Variants in NEK10 observed in about 807,000 individuals in gnomAD.
NEK10 encodes the protein serine/threonine-protein kinase Nek10.
Under a neutral mutation model 159.8 loss-of-function variants are expected in NEK10, and 122 were observed. The ratio of observed to expected loss-of-function variants is 0.76; its 90% CI spans 0.66 to 0.89. The LOEUF (loss-of-function observed/expected upper bound fraction) is 0.89, where lower values mean the gene tolerates loss of function less well. Among genes scored for constraint, NEK10 ranks in the 40% least tolerant of loss-of-function variants. The pLI is 0.00. For synonymous variants in NEK10, 466 were observed against 457.1 expected (o/e 1.02, Z -0.25); for missense variants, 1,342 against 1,323.1 (o/e 1.01, Z -0.22).
At chr3:27,359,287 G>A (rs1273488910) in intron 1 of NEK10, among the ~76,000 whole-genome samples, 4 of 151,652 alleles carry the variant, frequency 2.6e-5, no homozygotes, top group Non-Finnish European at 5.9e-5. Context: ...TACCATTTTG[G>A]CTATGTCAGG....
Position 27,109,481 on chromosome 3 carries a change from T to A in NEK10, c.*1791A>T, listed in dbSNP as rs1939311049. 6.6e-6 allele frequency among the ~76,000 whole-genome samples: 1 copy of A among 152,084 alleles called. No homozygotes were observed. Among genetic ancestry groups the A allele is most frequent in the Admixed American group, 6.6e-5 (1 of 15,250 alleles). On this transcript the variant is annotated 3_prime_UTR_variant, in exon 36 of 36. Transcript: ENST00000691995. ...TTTAAAACATCTTCAAGTAAACCAT[T>A]TATCTTCCCTTACCACGGTACACCT...
chr3:27,309,124 A>G, intron 9 of NEK10, 119 bp from the exon 10 acceptor site: 2 of 578,786 alleles, frequency 3.5e-6, no homozygotes. Flanking sequence ...CTTCCCTCTT[A>G]AGATCATATA....
At chr3:27,319,760 A>G (rs2045482622) in intron 6 of NEK10, among the ~76,000 whole-genome samples, 1 of 152,224 alleles carries the variant, frequency 6.6e-6, no homozygotes, top group Non-Finnish European at 1.5e-5. Flanking sequence ...GATAACCCAA[A>G]TATTTCAAAC....
At chr3:27,318,898 A>G (rs2045411484) in intron 6 of NEK10, among the ~76,000 whole-genome samples, 1 of 152,102 alleles carries the variant, frequency 6.6e-6, no homozygotes, top group African/African-American at 2.4e-5. Flanking sequence ...AGCTTGGAAG[A>G]TATGGGAGAA....
At chr3:27,218,735 CT>C (rs1951794372) in intron 23 of NEK10, among the ~76,000 whole-genome samples, 3 of 82,416 alleles carry the variant, frequency 3.6e-5, no homozygotes, top group African/African-American at 4.1e-5. Context: ...AGAATGAAGT[CT>C]AAAAAAAAAA....
chr3:27,302,561 A>G (rs922581931), intron 12 of NEK10, among the ~76,000 whole-genome samples: 4 of 152,196 alleles, frequency 2.6e-5, no homozygotes, highest in African/African-American at 9.7e-5. Flanking sequence ...GATGAAATAA[A>G]GCATTGGCTT....
chr3:27,188,549 C>A lies in NEK10; in HGVS notation c.2505+3480G>T, dbSNP rs558672675. Among the ~76,000 whole-genome samples the A allele has an allele frequency of 1.1e-4, 16 of 152,264 alleles. No individual in the cohort carries two copies. The East Asian group carries it at 3.1e-3, about 29-fold the overall frequency. ...AAACTAGTAAAAAGAAATCATCATTCAGCCTTTAAATAGGGGTGGTGAAGA... is the reference window on the plus strand; with the variant it reads ...AAACTAGTAAAAAGAAATCATCATTAAGCCTTTAAATAGGGGTGGTGAAGA... On this transcript the variant is annotated intron_variant, in intron 26 of 35. Transcript: ENST00000691995.
intron 5 of NEK10, among the ~76,000 whole-genome samples, chr3:27,337,030 C>CG (rs143426288): frequency 0.089 from 13,403 of 151,396 alleles, 1,263 homozygotes; most frequent in African/African-American, 0.24. Context: ...ACACATTTGG[C>CG]GGGGGGGAAA....
intron 4 of NEK10, 69 bp downstream of exon 4, chr3:27,346,017 A>G (rs1233646917): frequency 6.8e-6 from 10 of 1,477,762 alleles, no homozygotes; most frequent in African/African-American, 1.4e-5. Context: ...CTCCTGGGAT[A>G]AACTTAAATA....
intron 23 of NEK10, among the ~76,000 whole-genome samples, chr3:27,242,540 T>C (rs749152377): frequency 7.7e-5 from 8 of 103,238 alleles, no homozygotes; most frequent in Admixed American, 3.7e-4. Flanking sequence ...GCAATCCAGG[T>C]CTAGAGTCTG....
intron 29 of NEK10, among the ~76,000 whole-genome samples, chr3:27,169,335 C>T (rs1946749101): frequency 3.3e-5 from 5 of 152,162 alleles, no homozygotes; most frequent in Admixed American, 3.3e-4. Context: ...CCCACAAACA[C>T]CCACTGTGGT....
At chr3:27,342,824 A>AG (rs914436149) in intron 5 of NEK10, among the ~76,000 whole-genome samples, 1 of 151,928 alleles carries the variant, frequency 6.6e-6, no homozygotes, top group African/African-American at 2.4e-5. Flanking sequence ...AAAAAAAAAA[A>AG]GAACTTTATT....
intron 1 of NEK10, among the ~76,000 whole-genome samples, chr3:27,365,508 C>T (rs781204020): frequency 2.6e-5 from 4 of 151,480 alleles, no homozygotes; most frequent in Non-Finnish European, 5.9e-5. Context: ...GGGAGTTTGA[C>T]CTATAGATAA....
At chr3:27,352,641 C>T (rs1211615736) in intron 2 of NEK10, 116 bp from the exon 3 acceptor site, 3 of 845,610 alleles carry the variant, frequency 3.5e-6, no homozygotes, top group Admixed American at 2.1e-5. Context: ...GGAATGAATA[C>T]ACACACTAAA....
chr3:27,298,321 G>A (rs1225284835), intron 13 of NEK10, among the ~76,000 whole-genome samples: 1 of 152,202 alleles, frequency 6.6e-6, no homozygotes, highest in Admixed American at 6.5e-5. Flanking sequence ...TTTTAAAAAT[G>A]GGAGTTTCCT....
chr3:27,134,611 G>C (rs995113308), intron 31 of NEK10, among the ~76,000 whole-genome samples: 1 of 152,158 alleles, frequency 6.6e-6, no homozygotes, highest in African/African-American at 2.4e-5. Context: ...CTCTAGTTAA[G>C]TTAGAATTGT....
At chr3:27,165,579 A>C (rs1427030518) in intron 29 of NEK10, among the ~76,000 whole-genome samples, 2 of 152,214 alleles carry the variant, frequency 1.3e-5, no homozygotes, top group Non-Finnish European at 2.9e-5. Context: ...ATGGGCATTG[A>C]CCAACAGCAC....
At chr3:27,269,534 G>A (rs1165822742) in intron 22 of NEK10, among the ~76,000 whole-genome samples, 1 of 152,188 alleles carries the variant, frequency 6.6e-6, no homozygotes, top group Non-Finnish European at 1.5e-5. Context: ...AACGAATTAT[G>A]TTTTAATTGA....
chr3:27,272,133 C>T (rs556993332), intron 22 of NEK10, among the ~76,000 whole-genome samples: 8 of 152,272 alleles, frequency 5.3e-5, no homozygotes, highest in Middle Eastern at 3.4e-3. Context: ...TATTCCCAAC[C>T]CTATCCACAG....
Sources: allele counts gnomAD v4.1 joint callset (sites outside exome capture counted in the v4.1 genomes callset), GRCh38; gene constraint gnomAD v4.1.1; transcripts MANE v1.5; gene names NCBI Gene and HGNC (gene_info 2026-07-23, HGNC 2026-07-21).